Variants in SLC12A7 observed in about 807,000 individuals in gnomAD.
SLC12A7 encodes solute carrier family 12 member 7.
Under a neutral mutation model 120.6 loss-of-function variants are expected in SLC12A7, and 100 were observed. The ratio of observed to expected loss-of-function variants is 0.83; its 90% CI spans 0.71 to 0.98. SLC12A7 has a LOEUF of 0.98. Among genes scored for constraint, SLC12A7 ranks in the 50% least tolerant of loss-of-function variants. The pLI is 0.00. For missense variants in SLC12A7, 1,373 were observed against 1,548.1 expected (o/e 0.89, Z 1.90); for synonymous variants, 760 against 678.0 (o/e 1.12, Z -1.88).
the SLC12A7 span, among the ~76,000 whole-genome samples, chr5:1,130,987 T>G: frequency 2.6e-5 from 4 of 151,644 alleles, no homozygotes; most frequent in Non-Finnish European, 5.9e-5. Context: ...GGGGCCCACC[T>G]AGGAGATGGG....
chr5:1,127,590 T>A, the SLC12A7 span, among the ~76,000 whole-genome samples: 1 of 152,210 alleles, frequency 6.6e-6, no homozygotes, highest in Non-Finnish European at 1.5e-5. Flanking sequence ...AGGAAACTGA[T>A]GGATATACAA....
chr5:1,059,970 C>T (rs1295685717), intron 21 of SLC12A7, among the ~76,000 whole-genome samples: 1 of 152,226 alleles, frequency 6.6e-6, no homozygotes, highest in African/African-American at 2.4e-5. Context: ...GCCGCTGACC[C>T]TGTCAGAGGG....
Position 1,085,281 on chromosome 5 carries a change from C to T in SLC12A7, c.868G>A (p.Ala290Thr), listed in dbSNP as rs1394716991. 6.2e-7 allele frequency: 1 copy of T among 1,612,614 alleles called. No homozygotes were observed. Among genetic ancestry groups the T allele is most frequent in the Admixed American group, 1.7e-5 (1 of 60,006 alleles). ...GACTTGATGACGCCGGCATAGATGG[C>T]CAGGATGGACAGCACGACGCAGGCC... is the stretch of plus-strand genomic sequence containing the variant. ...FLACVVLSIL[A>T]IYAGVIKSAF... The change falls in exon 7 of 24, where the codon GCC becomes ACC. Residue 290 changes from alanine (A) to threonine (T), a missense_variant. By Grantham distance (58) the Ala-to-Thr change is moderately conservative (BLOSUM62 0). Coordinates refer to ENST00000264930, the MANE Select transcript of SLC12A7 (RefSeq NM_006598.3).
intron 6 of SLC12A7, among the ~76,000 whole-genome samples, chr5:1,086,052 T>C (rs1289191791): frequency 1.3e-5 from 2 of 152,074 alleles, no homozygotes; most frequent in Non-Finnish European, 2.9e-5. Flanking sequence ...ATGGAGGGCA[T>C]GGCACCCACC....
At chr5:1,103,558 C>T (rs1742213680) in intron 1 of SLC12A7, among the ~76,000 whole-genome samples, 1 of 152,258 alleles carries the variant, frequency 6.6e-6, no homozygotes, top group South Asian at 2.1e-4. Flanking sequence ...CATTCATACA[C>T]ACAACACTCA....
At chr5:1,131,497 G>T in the SLC12A7 span, among the ~76,000 whole-genome samples, 2 of 152,196 alleles carry the variant, frequency 1.3e-5, no homozygotes, top group Non-Finnish European at 2.9e-5. Flanking sequence ...AGCAGGCACC[G>T]GCCCTGGTGG....
intron 2 of SLC12A7, 93 bp from the exon 3 acceptor site, chr5:1,093,748 T>A (rs1740799132): frequency 1.3e-6 from 2 of 1,540,896 alleles, no homozygotes; most frequent in Non-Finnish European, 1.8e-6. Context: ...GCTCAGGCCC[T>A]CCCCGGGTCC....
At chr5:1,126,407 T>C in the SLC12A7 span, among the ~76,000 whole-genome samples, 2 of 152,264 alleles carry the variant, frequency 1.3e-5, no homozygotes, top group Non-Finnish European at 2.9e-5. Flanking sequence ...TTCTTTTTAA[T>C]GTTTAATATA....
At position 1,104,792 on chromosome 5, in the gene SLC12A7, T is replaced by C. The variant is rs549180945; in HGVS notation, c.124+7076A>G. ...GCAGCACTCTCCTCCCCACAACTGTTTCCTCAAAAAGACACCGCCCAAGGG... is the reference window on the plus strand; with the variant it reads ...GCAGCACTCTCCTCCCCACAACTGTCTCCTCAAAAAGACACCGCCCAAGGG... On this transcript the variant is annotated intron_variant, in intron 1 of 23. Transcript: ENST00000264930. Among the ~76,000 whole-genome samples the C allele has an allele frequency of 1.2e-3, 185 of 152,254 alleles. 1 individual carries two copies. The highest frequency in any genetic ancestry group is 4.4e-3 in the African/African-American group (181 of 41,556).
chr5:1,112,035 T>C lies in SLC12A7; in HGVS notation c.-44A>G. The C allele has an allele frequency of 8.2e-6, 10 of 1,224,886 alleles. No individual in the cohort carries two copies. Among genetic ancestry groups the C allele is most frequent in the East Asian group, 3.3e-5 (1 of 30,544 alleles). The allele number at this position is 1,224,886 out of a possible 1,614,324, so 75.9% of individuals were successfully genotyped here. ...GTCCCCGTCCCGGCCCGGCCCGCGC[T>C]GCGCCGCTCCCGCCGACGCCACGGG... On this transcript the variant is annotated 5_prime_UTR_variant, in exon 1 of 24. Coordinates refer to ENST00000264930, the MANE Select transcript of SLC12A7 (RefSeq NM_006598.3).
intron 1 of SLC12A7, among the ~76,000 whole-genome samples, chr5:1,099,160 G>A (rs1741715597): frequency 6.6e-6 from 1 of 152,164 alleles, no homozygotes; most frequent in African/African-American, 2.4e-5. Flanking sequence ...GCGGGGGCGA[G>A]GGATGGCCCA....
chr5:1,062,038 G>A (rs933184544), intron 20 of SLC12A7, among the ~76,000 whole-genome samples: 2 of 152,216 alleles, frequency 1.3e-5, no homozygotes, highest in Admixed American at 1.3e-4. Context: ...GGCTACGGAG[G>A]GGTGGGCAGC....
At chr5:1,112,871 T>TCCCCCCCC (rs70957329), upstream of SLC12A7, among the ~76,000 whole-genome samples, 2 of 112,004 alleles carry the variant, frequency 1.8e-5, no homozygotes, top group African/African-American at 4.1e-5. Flanking sequence ...GTAGAGGGAG[T>TCCCCCCCC]CCCCCCCCCC....
chr5:1,076,262 C>T lies in SLC12A7; in HGVS notation c.1749-26G>A, dbSNP rs200193058. 4.0e-4 allele frequency: 623 copies of T among 1,573,906 alleles called. 2 individuals carry two copies. The highest frequency in any genetic ancestry group is 3.5e-3 in the Middle Eastern group (21 of 5,988). ...CTGCAGGGACGGCCGGCCACTGATA[C>T]GGGCCCACTGGGCCCCCCTGAGCCC... On this transcript the variant is annotated intron_variant, in intron 13 of 23. Coordinates refer to ENST00000264930, the MANE Select transcript of SLC12A7 (RefSeq NM_006598.3).
Position 1,085,624 on chromosome 5 carries a change from G to C in SLC12A7, c.676-151C>G. 3 of 1,185,788 alleles carry C rather than the reference G, an allele frequency of 2.5e-6. No individual in the cohort carries two copies. The East Asian group carries it at 7.8e-5, about 31-fold the overall frequency. 73.5% of individuals were successfully genotyped at this position (1,185,788 alleles called of 1,614,324 possible). Reference sequence around the variant, plus strand: ...TCCGTGCTGGACGGAGCCCGCGGGGGTCAGCGCACAGGCAAGGGACGGAGC... The same window carrying C: ...TCCGTGCTGGACGGAGCCCGCGGGGCTCAGCGCACAGGCAAGGGACGGAGC... On this transcript the variant is annotated intron_variant, in intron 6 of 23. Coordinates refer to ENST00000264930, the MANE Select transcript of SLC12A7 (RefSeq NM_006598.3).
At chr5:1,086,866 C>A in intron 6 of SLC12A7, 37 bp downstream of exon 6, 1 of 1,605,478 alleles carries the variant, frequency 6.2e-7, no homozygotes, top group African/African-American at 1.3e-5. Context: ...CTGCCACAGA[C>A]TGTGGGGTGG....
chr5:1,079,412 G>A lies in SLC12A7; in HGVS notation c.1382C>T (p.Thr461Met), dbSNP rs1376398036. Reference sequence around the variant, plus strand: ...TCCAAGGATACAGATGAAAGACGTCGTCACTATGGCCAGGATGGTCCCCGT... The same window carrying A: ...TCCAAGGATACAGATGAAAGACGTCATCACTATGGCCAGGATGGTCCCCGT... ...IPTGTILAIVTTSFIYLSCIV... is the reference protein window; with the variant it reads ...IPTGTILAIVMTSFIYLSCIV... Residue 461 changes from threonine (T) to methionine (M), a missense_variant, in exon 10 of 24, where the codon ACG (threonine) becomes ATG (methionine). Thr to Met is a moderately conservative substitution (Grantham distance 81, BLOSUM62 -1). Transcript: ENST00000264930. 8 of 1,612,450 alleles carry A rather than the reference G, an allele frequency of 5.0e-6. No homozygotes were observed. Among genetic ancestry groups the A allele is most frequent in the East Asian group, 2.2e-5 (1 of 44,878 alleles).
chr5:1,092,398 G>T (rs1446672067), intron 3 of SLC12A7, among the ~76,000 whole-genome samples: 1 of 152,172 alleles, frequency 6.6e-6, no homozygotes, highest in African/African-American at 2.4e-5. Context: ...ACACGCAGCA[G>T]GGGGGCCCAC....
intron 8 of SLC12A7, among the ~76,000 whole-genome samples, chr5:1,082,604 T>C (rs567142707): frequency 6.2e-5 from 8 of 129,122 alleles, no homozygotes; most frequent in African/African-American, 1.8e-4. Flanking sequence ...CTGGAAAGCC[T>C]GGGCTTCCTC....
Sources: allele counts gnomAD v4.1 joint callset (sites outside exome capture counted in the v4.1 genomes callset), GRCh38; gene constraint gnomAD v4.1.1; transcripts MANE v1.5; gene names NCBI Gene and HGNC (gene_info 2026-07-23, HGNC 2026-07-21).